Variants in SLC35E2B observed in about 807,000 individuals in gnomAD.
The protein encoded by SLC35E2B is solute carrier family 35, member E2B.
In SLC35E2B, 18 loss-of-function variants were observed where a neutral mutation model predicts 32.4. That is an observed-to-expected ratio of 0.56 (90% CI 0.38 to 0.82). The LOEUF is 0.82. SLC35E2B is among the 40% of genes least tolerant of loss of function. SLC35E2B has a pLI of 0.00. For missense variants in SLC35E2B, 263 were observed against 469.5 expected, an observed-to-expected ratio of 0.56 and a Z score of 4.06; for synonymous variants, 132 against 209.1, an observed-to-expected ratio of 0.63 and a Z score of 3.18.
chr1:1,688,115 G>A (rs1304981592), intron 2 of SLC35E2B, among the ~76,000 whole-genome samples: 1 of 151,970 alleles, frequency 6.6e-6, no homozygotes, highest in Admixed American at 6.6e-5. Context: ...ACACAGTAAA[G>A]GATCAGAACC....
Position 1,664,260 on chromosome 1 carries a change from G to A in SLC35E2B, c.*1522C>T, listed in dbSNP as rs1643485196. 1.2e-6 allele frequency: 1 copy of A among 851,836 alleles called. No homozygotes were observed. The highest frequency in any genetic ancestry group is 6.5e-5 in the Admixed American group (1 of 15,488). The allele number at this position is 851,836 out of a possible 1,614,324, so 52.8% of individuals were successfully genotyped here. ...CATCATGGCAGACTTTTTTGAGTAG[G>A]TAGAAGTTAATGAGTCAGAATTATT... On this transcript the variant is annotated 3_prime_UTR_variant, in exon 10 of 10. Transcript: ENST00000617444.
At position 1,664,546 on chromosome 1, in the gene SLC35E2B, T is replaced by G. The variant is rs1243881866; in HGVS notation, c.*1236A>C. On this transcript the variant is annotated 3_prime_UTR_variant, in exon 10 of 10. Coordinates refer to ENST00000617444, the MANE Select transcript of SLC35E2B (RefSeq NM_001290264.2). Reference sequence around the variant, plus strand: ...AGATTGGGGGTAAAGAGCTCAGACATGGTCAGAAGCCTCTGCCTAACACAC... The same window carrying G: ...AGATTGGGGGTAAAGAGCTCAGACAGGGTCAGAAGCCTCTGCCTAACACAC... 1 of 911,656 alleles carries G rather than the reference T, an allele frequency of 1.1e-6. No homozygotes were observed. Among genetic ancestry groups the G allele is most frequent in the Admixed American group, 6.6e-5 (1 of 15,100 alleles). The allele number at this position is 911,656 out of a possible 1,614,324, so 56.5% of individuals were successfully genotyped here. A position where few individuals can be genotyped will look rare whatever the true frequency, so the allele number is the denominator to read the frequency against.
At position 1,665,990 on chromosome 1, in the gene SLC35E2B, G is replaced by A. The variant is rs1643534388; in HGVS notation, c.1010C>T (p.Ser337Phe). Residue 337 changes from serine (S) to phenylalanine (F), a missense_variant, in exon 10 of 10, where the codon TCC becomes TTC. Coordinates refer to ENST00000617444, the MANE Select transcript of SLC35E2B (RefSeq NM_001290264.2). ...SVASTVKHAL[S>F]IWLSVIVFGN... ...GAAAACGATTACGCTGAGCCAGATG[G>A]ACAAGGCATGTTTCACGGTGCTGGC... 1.3e-6 allele frequency: 2 copies of A among 1,551,378 alleles called. No individual in the cohort carries two copies. The highest frequency in any genetic ancestry group is 2.7e-5 in the African/African-American group (2 of 73,060).
At chr1:1,680,760 G>A (rs1013056917) in intron 2 of SLC35E2B, among the ~76,000 whole-genome samples, 11 of 151,184 alleles carry the variant, frequency 7.3e-5, no homozygotes, top group East Asian at 3.9e-4. Flanking sequence ...TTCCCCCCAC[G>A]TAAACACCTG....
chr1:1,685,423 A>AC (rs1171398054), intron 2 of SLC35E2B, among the ~76,000 whole-genome samples: 4 of 150,578 alleles, frequency 2.7e-5, no homozygotes, highest in African/African-American at 7.4e-5. Flanking sequence ...AGAAAAAAAA[A>AC]AAAAAAAAAG....
chr1:1,688,147 A>C (rs1222806030), intron 2 of SLC35E2B, among the ~76,000 whole-genome samples: 1 of 152,122 alleles, frequency 6.6e-6, no homozygotes, highest in Non-Finnish European at 1.5e-5. Context: ...AACAGCCCAC[A>C]AGGCCATGCT....
intron 6 of SLC35E2B, chr1:1,671,129 G>T: frequency 6.4e-6 from 1 of 156,744 alleles, no homozygotes; most frequent in Non-Finnish European, 1.4e-5. Context: ...CAGAGGATCC[G>T]CCCGACCTGG....
chr1:1,679,042 G>A (rs1015505407), intron 2 of SLC35E2B, among the ~76,000 whole-genome samples: 19 of 152,116 alleles, frequency 1.2e-4, no homozygotes, highest in African/African-American at 4.1e-4. Flanking sequence ...TAGGCCTCAC[G>A]GCCCTTGACC....
intron 2 of SLC35E2B, among the ~76,000 whole-genome samples, chr1:1,689,391 C>T (rs1643992993): frequency 6.6e-6 from 1 of 151,752 alleles, no homozygotes; most frequent in East Asian, 1.9e-4. Context: ...GCACTCTCTG[C>T]ACAGCGGTGA....
intron 5 of SLC35E2B, among the ~76,000 whole-genome samples, chr1:1,673,587 T>A (rs181246173): frequency 6.6e-6 from 1 of 152,134 alleles, no homozygotes; most frequent in African/African-American, 2.4e-5. Flanking sequence ...GGAGAATCAC[T>A]TGAACCCGGG....
At chr1:1,681,740 C>T (rs1643901308) in intron 2 of SLC35E2B, among the ~76,000 whole-genome samples, 1 of 149,818 alleles carries the variant, frequency 6.7e-6, no homozygotes, top group African/African-American at 2.4e-5. Flanking sequence ...AATCCCAGCA[C>T]TTTGGGAGGC....
At chr1:1,670,267 G>A (rs1643652746) in intron 6 of SLC35E2B, 116 bp from the exon 7 acceptor site, 2 of 729,024 alleles carry the variant, frequency 2.7e-6, no homozygotes, top group South Asian at 1.6e-5. Flanking sequence ...CCTCAGTGGT[G>A]CCCGCCACCA....
intron 7 of SLC35E2B, 45 bp from the exon 8 acceptor site, chr1:1,669,781 C>A (rs780937679): frequency 6.5e-7 from 1 of 1,535,778 alleles, no homozygotes; most frequent in East Asian, 2.4e-5. Context: ...CGGGACAGGC[C>A]GAGTTCACAC....
Position 1,662,761 on chromosome 1 carries a change from C to A in SLC35E2B, c.*3021G>T, listed in dbSNP as rs1138964. Reference sequence around the variant, plus strand: ...CTCTTAAGTATCAACGTAAAGAAGCCGATGACCCAATTCGGGAGGTGGTTC... The same window carrying A: ...CTCTTAAGTATCAACGTAAAGAAGCAGATGACCCAATTCGGGAGGTGGTTC... On this transcript the variant is annotated 3_prime_UTR_variant, in exon 10 of 10. Coordinates refer to ENST00000617444, the MANE Select transcript of SLC35E2B (RefSeq NM_001290264.2). 6.0e-5 allele frequency: 45 copies of A among 749,388 alleles called. 5 individuals are homozygous for A. Among genetic ancestry groups the A allele is most frequent in the East Asian group, 1.2e-4 (1 of 8,352 alleles). The allele number at this position is 749,388 out of a possible 1,614,324, so 46.4% of individuals were successfully genotyped here.
chr1:1,687,316 C>T (rs976261876), intron 2 of SLC35E2B, among the ~76,000 whole-genome samples: 2 of 152,222 alleles, frequency 1.3e-5, no homozygotes, highest in African/African-American at 4.8e-5. Flanking sequence ...ATGGCTCACG[C>T]CTGTAATCCT....
rs1643493806 is a variant in SLC35E2B at position 1,664,597 on chromosome 1, T to G, written c.*1185A>C. On this transcript the variant is annotated 3_prime_UTR_variant, in exon 10 of 10. Transcript: ENST00000617444. Reference sequence around the variant, plus strand: ...GGCTCCAGTAGCCACTCCTCAGGCCTCCTGCGCCCTCGGGGGTGCGTGACA... The same window carrying G: ...GGCTCCAGTAGCCACTCCTCAGGCCGCCTGCGCCCTCGGGGGTGCGTGACA... 1.2e-6 allele frequency: 1 copy of G among 823,504 alleles called. No homozygotes were observed. The highest frequency in any genetic ancestry group is 1.5e-6 in the Non-Finnish European group (1 of 684,914). The allele number at this position is 823,504 out of a possible 1,614,324, so 51.0% of individuals were successfully genotyped here. A position where few individuals can be genotyped will look rare whatever the true frequency, so the allele number is the denominator to read the frequency against.
At chr1:1,679,267 C>T (rs570090968) in intron 2 of SLC35E2B, among the ~76,000 whole-genome samples, 13 of 152,296 alleles carry the variant, frequency 8.5e-5, no homozygotes, top group African/African-American at 3.1e-4. Flanking sequence ...TCGAGGCAAA[C>T]CTGGAATTCA....
At chr1:1,678,157 C>T (rs1270355853) in intron 2 of SLC35E2B, among the ~76,000 whole-genome samples, 1 of 152,172 alleles carries the variant, frequency 6.6e-6, no homozygotes, top group Non-Finnish European at 1.5e-5. Context: ...TCACTTCTCC[C>T]CCGGGAAACT....
In SLC35E2B at chr1:1,663,557, A is replaced by C. The variant is rs1170372016; in HGVS notation, c.*2225T>G. ...ACGATCTTGGCTCACTGCAACCTCC[A>C]TCTCCGGGGTTCAAACAATTCTCCT... On this transcript the variant is annotated 3_prime_UTR_variant, in exon 10 of 10. Coordinates refer to ENST00000617444, the MANE Select transcript of SLC35E2B (RefSeq NM_001290264.2). The C allele has an allele frequency of 2.9e-6, 1 of 350,754 alleles. No homozygotes were observed. Among genetic ancestry groups the C allele is most frequent in the East Asian group, 1.7e-4 (1 of 5,990 alleles). The allele number at this position is 350,754 out of a possible 1,614,324, so 21.7% of individuals were successfully genotyped here. A position where few individuals can be genotyped will look rare whatever the true frequency, so the allele number is the denominator to read the frequency against.
Sources: allele counts gnomAD v4.1 joint callset (sites outside exome capture counted in the v4.1 genomes callset), GRCh38; gene constraint gnomAD v4.1.1; transcripts MANE v1.5; gene names NCBI Gene and HGNC (gene_info 2026-07-23, HGNC 2026-07-21).